SLC30A8: variants seen among roughly 807,000 people sequenced by gnomAD.
SLC30A8 encodes proton-coupled zinc antiporter SLC30A8.
Under a neutral mutation model 36.9 loss-of-function variants are expected in SLC30A8, and 27 were observed. The ratio of observed to expected loss-of-function variants is 0.73; its 90% CI spans 0.54 to 1.01. The LOEUF (loss-of-function observed/expected upper bound fraction) is 1.01, where lower values mean the gene tolerates loss of function less well. Ranked by LOEUF, SLC30A8 falls within the 50% of genes least tolerant of loss-of-function variation. SLC30A8 has a pLI of 0.00. For synonymous variants in SLC30A8, 164 were observed against 172.4 expected (o/e 0.95, Z 0.38); for missense variants, 439 against 452.0 (o/e 0.97, Z 0.26).
intron 2 of SLC30A8, among the ~76,000 whole-genome samples, chr8:117,076,043 C>G (rs1028380878): frequency 2.6e-5 from 4 of 152,214 alleles, no homozygotes; most frequent in Non-Finnish European, 5.9e-5. Flanking sequence ...CCTTCTTCCT[C>G]TCTCTTCTTT....
At chr8:117,018,052 T>C (rs992171930) in intron 1 of SLC30A8, 1 of 152,206 alleles carries the variant, frequency 6.6e-6, no homozygotes, top group Non-Finnish European at 1.5e-5. Flanking sequence ...ACTATGCTGA[T>C]TGGGGTCCAC....
intron 1 of SLC30A8, among the ~76,000 whole-genome samples, chr8:116,991,486 G>T (rs1021067219): frequency 6.6e-6 from 1 of 151,956 alleles, no homozygotes. Flanking sequence ...TGTATTTTTA[G>T]TAGAGACGGG....
rs1586341828 is a variant in SLC30A8, at chr8:116,970,342, G to A, written c.-266+19223G>A. Among the ~76,000 whole-genome samples, 3 of 152,266 alleles carry A rather than the reference G, an allele frequency of 2.0e-5. No homozygotes were observed. In the East Asian group the frequency reaches 5.8e-4, roughly 29 times the overall value. On this transcript the variant is annotated intron_variant, in intron 1 of 10. Transcript: ENST00000427715. ...CTGTCTTCTGGAATACGCCCTGAAG[G>A]ACCTGCCTGGGGCTGTTTTACAGTT... is the stretch of plus-strand genomic sequence containing the variant.
At chr8:116,987,587 A>T (rs959171151) in intron 1 of SLC30A8, among the ~76,000 whole-genome samples, 2 of 152,062 alleles carry the variant, frequency 1.3e-5, no homozygotes, top group Admixed American at 6.6e-5. Context: ...CTGTTTAATT[A>T]GCTTCTGATC....
At chr8:117,171,740 G>T (rs1405185823) in intron 7 of SLC30A8, among the ~76,000 whole-genome samples, 6 of 152,082 alleles carry the variant, frequency 3.9e-5, no homozygotes, top group African/African-American at 1.4e-4. Flanking sequence ...AGTTAATTTT[G>T]TCTCTGATAT....
intron 1 of SLC30A8, among the ~76,000 whole-genome samples, chr8:116,966,742 TTC>T (rs1258554462): frequency 2.0e-5 from 3 of 152,310 alleles, no homozygotes; most frequent in Non-Finnish European, 2.9e-5. Context: ...AAGAAATATT[TTC>T]CCAATAATAG....
At chr8:116,995,118 G>A (rs1203584246) in intron 1 of SLC30A8, among the ~76,000 whole-genome samples, 1 of 152,092 alleles carries the variant, frequency 6.6e-6, no homozygotes, top group African/African-American at 2.4e-5. Flanking sequence ...CCCTAGAAGA[G>A]ATCTCGGCTC....
chr8:116,965,867 A>G (rs2130604449), intron 1 of SLC30A8, among the ~76,000 whole-genome samples: 1 of 150,006 alleles, frequency 6.7e-6, no homozygotes, highest in East Asian at 2.0e-4. Context: ...CCCTAACAAT[A>G]TTTTTAATTT....
At chr8:117,058,293 TATC>T (rs2130782241) in intron 2 of SLC30A8, among the ~76,000 whole-genome samples, 1 of 152,330 alleles carries the variant, frequency 6.6e-6, no homozygotes, top group East Asian at 1.9e-4. Context: ...TTTAATCCCT[TATC>T]ATATATATGC....
chr8:117,160,807 G>A (rs183407812), intron 4 of SLC30A8, among the ~76,000 whole-genome samples: 54 of 152,200 alleles, frequency 3.5e-4, no homozygotes, highest in African/African-American at 1.0e-3. Context: ...GATGGCTAGC[G>A]GTCATTCCAC....
chr8:117,129,407 A>G (rs1821042798), intron 2 of SLC30A8, among the ~76,000 whole-genome samples: 1 of 152,054 alleles, frequency 6.6e-6, no homozygotes, highest in African/African-American at 2.4e-5. Flanking sequence ...GTGATGGAAA[A>G]TTAGTATCCA....
intron 1 of SLC30A8, among the ~76,000 whole-genome samples, chr8:116,979,895 A>G (rs982112277): frequency 5.3e-5 from 8 of 152,222 alleles, no homozygotes; most frequent in Non-Finnish European, 1.0e-4. Flanking sequence ...GGAAAATTAA[A>G]AACTTTTATG....
At chr8:117,098,960 G>A (rs1819590826) in intron 2 of SLC30A8, among the ~76,000 whole-genome samples, 1 of 152,048 alleles carries the variant, frequency 6.6e-6, no homozygotes, top group African/African-American at 2.4e-5. Flanking sequence ...AATTACTTGG[G>A]TACACAGAGG....
chr8:117,161,688 G>GT (rs768380882), intron 4 of SLC30A8, 50 bp from the exon 5 acceptor site: 12 of 1,541,390 alleles, frequency 7.8e-6, no homozygotes, highest in Non-Finnish European at 1.1e-5. Flanking sequence ...TGCTGCCTAC[G>GT]TTTTTAAGAC....
chr8:117,102,123 C>T (rs940849668), intron 2 of SLC30A8, among the ~76,000 whole-genome samples: 7 of 152,076 alleles, frequency 4.6e-5, no homozygotes, highest in African/African-American at 1.7e-4. Flanking sequence ...TTTGAAAACA[C>T]TCTTCTAATC....
At chr8:117,037,859 G>A (rs1283085270) in intron 1 of SLC30A8, among the ~76,000 whole-genome samples, 1 of 152,144 alleles carries the variant, frequency 6.6e-6, no homozygotes, top group Non-Finnish European at 1.5e-5. Flanking sequence ...GGGCTGGTAA[G>A]CATTTAAAAG....
chr8:117,142,086 C>A lies in SLC30A8; in HGVS notation c.72-4868C>A, dbSNP rs1821679233. On this transcript the variant is annotated intron_variant, in intron 1 of 7. Coordinates refer to ENST00000456015, the MANE Select transcript of SLC30A8 (RefSeq NM_173851.3). The stretch of plus-strand genomic sequence containing the variant: ...AGCTCTCAGCCTCTATACTGCACTG[C>A]CTGCCACTCAGCCCCATCTTGGGAA... Among the ~76,000 whole-genome samples, 5 of 152,248 alleles carry A rather than the reference C, an allele frequency of 3.3e-5. No individual in the cohort carries two copies. The South Asian group carries it at 8.3e-4, about 25-fold the overall frequency.
chr8:116,990,409 A>G (rs758277526), intron 1 of SLC30A8, among the ~76,000 whole-genome samples: 4 of 152,146 alleles, frequency 2.6e-5, no homozygotes, highest in Non-Finnish European at 5.9e-5. Context: ...GATATTATGT[A>G]CTTTCCGATA....
intron 2 of SLC30A8, among the ~76,000 whole-genome samples, chr8:117,059,648 T>C (rs895877846): frequency 7.9e-5 from 12 of 152,172 alleles, no homozygotes; most frequent in African/African-American, 9.7e-5. Context: ...TACTCCATCA[T>C]GTTGGTTTAG....
Sources: gnomAD v4.1 joint callset for allele counts (sites outside exome capture counted in the v4.1 genomes callset) on GRCh38, gnomAD v4.1.1 for gene constraint, MANE v1.5 for transcripts, NCBI Gene and HGNC (gene_info 2026-07-23, HGNC 2026-07-21) for gene names.